The following CDH12 variants were observed in gnomAD, a reference collection of about 807,000 sequenced individuals.
CDH12 encodes cadherin 12.
Under a neutral mutation model 74.1 loss-of-function variants are expected in CDH12, and 41 were observed. That is an observed-to-expected ratio of 0.55 (90% CI 0.43 to 0.72). CDH12 has a LOEUF of 0.72. Among genes scored for constraint, CDH12 ranks in the 30% least tolerant of loss-of-function variants. The pLI, the probability that CDH12 is intolerant of heterozygous loss-of-function variation, is 0.00. For missense variants in CDH12, 945 were observed against 977.2 expected, an observed-to-expected ratio of 0.97 and a Z score of 0.44; for synonymous variants, 399 against 355.0, an observed-to-expected ratio of 1.12 and a Z score of -1.39.
At chr5:21,825,351 A>C (rs2149958097) in intron 8 of CDH12, among the ~76,000 whole-genome samples, 1 of 152,236 alleles carries the variant, frequency 6.6e-6, no homozygotes, top group East Asian at 1.9e-4. Flanking sequence ...GCATTCTTTC[A>C]ATTGAAGTGT....
At chr5:21,880,475 C>CTTCA (rs1752189543) in intron 6 of CDH12, among the ~76,000 whole-genome samples, 1 of 18,482 alleles carries the variant, frequency 5.4e-5, no homozygotes, top group African/African-American at 7.3e-5. Flanking sequence ...TCTTTCCTTC[C>CTTCA]TTCCTTCCTT....
chr5:22,222,185 A>G (rs938950812), intron 3 of CDH12, among the ~76,000 whole-genome samples: 1 of 151,940 alleles, frequency 6.6e-6, no homozygotes, highest in South Asian at 2.1e-4. Flanking sequence ...TCATTTTACT[A>G]TTCTGTTTAA....
At chr5:22,364,902 GT>G (rs1339882861) in intron 3 of CDH12, among the ~76,000 whole-genome samples, 2 of 152,116 alleles carry the variant, frequency 1.3e-5, no homozygotes, top group African/African-American at 2.4e-5. Flanking sequence ...TTTCAAAATT[GT>G]GTTGACACTG....
intron 4 of CDH12, among the ~76,000 whole-genome samples, chr5:22,185,204 T>TC (rs1226081073): frequency 4.0e-4 from 61 of 151,642 alleles, no homozygotes; most frequent in Non-Finnish European, 7.7e-4. Flanking sequence ...TCTCTCTTTT[T>TC]TTTTTTTTTT....
Position 22,437,360 on chromosome 5 carries a change from T to C in CDH12, c.-427-32009A>G, listed in dbSNP as rs1744439631. ...GAATCTATAAAGAAAACAGACTTTT[T>C]CAGTCTATTATTTTTAAGTTATATT... is the stretch of plus-strand genomic sequence containing the variant. On this transcript the variant is annotated intron_variant, in intron 2 of 14. Transcript: ENST00000382254. Among the ~76,000 whole-genome samples the C allele has an allele frequency of 2.0e-5, 3 of 151,840 alleles. No homozygotes were observed. The South Asian group carries it at 6.2e-4, about 31-fold the overall frequency.
intron 5 of CDH12, among the ~76,000 whole-genome samples, chr5:22,076,252 T>C (rs1742308541): frequency 6.6e-6 from 1 of 152,116 alleles, no homozygotes; most frequent in Non-Finnish European, 1.5e-5. Context: ...CTCTTTTAAA[T>C]AAACTGGATG....
At chr5:22,750,807 A>T (rs556918028) in intron 1 of CDH12, among the ~76,000 whole-genome samples, 56 of 152,204 alleles carry the variant, frequency 3.7e-4, no homozygotes, top group Non-Finnish European at 7.2e-4. Flanking sequence ...AGATGAAGCC[A>T]TTTGACACCC....
At chr5:22,011,930 A>C (rs1737320360) in intron 5 of CDH12, among the ~76,000 whole-genome samples, 1 of 152,102 alleles carries the variant, frequency 6.6e-6, no homozygotes, top group Non-Finnish European at 1.5e-5. Flanking sequence ...CTGTTTCTTC[A>C]ATATTTTTTA....
rs527445136 is a variant in CDH12 at position 22,801,381 on chromosome 5, C to T, written c.-523+51677G>A. On this transcript the variant is annotated intron_variant, in intron 1 of 14. Transcript: ENST00000382254. ...GCTAAGCAAAATGCCAGTTTTGGGACGCCTTGAAAGAGATTTTGTATGAGC... is the reference window on the plus strand; with the variant it reads ...GCTAAGCAAAATGCCAGTTTTGGGATGCCTTGAAAGAGATTTTGTATGAGC... 3.3e-5 allele frequency among the ~76,000 whole-genome samples: 5 copies of T among 151,988 alleles called. No individual in the cohort carries two copies. The South Asian group carries it at 6.2e-4, about 19-fold the overall frequency.
In CDH12 at chr5:22,559,357, C is replaced by T. The variant is rs141380060; in HGVS notation, c.-522-53993G>A. ...ATTATATATGCATACTTTACCTCAG[C>T]GAAAAAATTTTTAAAGTTAAAATCA... On this transcript the variant is annotated intron_variant, in intron 1 of 14. Coordinates refer to ENST00000382254, the MANE Select transcript of CDH12 (RefSeq NM_004061.5). 6.6e-3 allele frequency among the ~76,000 whole-genome samples: 999 copies of T among 151,744 alleles called. 14 individuals are homozygous for T. Among genetic ancestry groups the T allele is most frequent in the African/African-American group, 0.023 (948 of 41,384 alleles).
chr5:22,814,476 C>T (rs1011844602), intron 1 of CDH12, among the ~76,000 whole-genome samples: 1 of 152,112 alleles, frequency 6.6e-6, no homozygotes, highest in Non-Finnish European at 1.5e-5. Context: ...GATATCTCTG[C>T]TTTGACATTA....
chr5:22,444,320 T>G (rs2126547669), intron 2 of CDH12, among the ~76,000 whole-genome samples: 1 of 152,200 alleles, frequency 6.6e-6, no homozygotes, highest in South Asian at 2.1e-4. Context: ...AGTTAAAACA[T>G]TAATTCTCAT....
rs959351967 is a variant in CDH12, at chr5:22,292,586, T to A, written c.-332-79943A>T. Among the ~76,000 whole-genome samples the A allele has an allele frequency of 1.1e-4, 17 of 151,418 alleles. No individual in the cohort carries two copies. The Admixed American group carries it at 1.1e-3, about 10-fold the overall frequency. On this transcript the variant is annotated intron_variant, in intron 3 of 14. Transcript: ENST00000382254. Reference sequence around the variant, plus strand: ...AAACAAACAAAACAAATTGCCCCAATTCAAAATTGGACAAAGGACCTGAAA... The same window carrying A: ...AAACAAACAAAACAAATTGCCCCAAATCAAAATTGGACAAAGGACCTGAAA...
intron 1 of CDH12, among the ~76,000 whole-genome samples, chr5:22,528,817 C>A (rs1737403781): frequency 6.6e-6 from 1 of 151,940 alleles, no homozygotes; most frequent in African/African-American, 2.4e-5. Context: ...CCAGAGAACA[C>A]CATGGACCAC....
chr5:22,472,233 TCAAGGC>T (rs1474021778), intron 2 of CDH12, among the ~76,000 whole-genome samples: 2 of 152,034 alleles, frequency 1.3e-5, no homozygotes, highest in Admixed American at 1.3e-4. Flanking sequence ...AGAAGTAAGG[TCAAGGC>T]CTAGTCAAAA....
intron 2 of CDH12, among the ~76,000 whole-genome samples, chr5:22,405,908 A>G (rs11952562): frequency 0.015 from 2,337 of 152,274 alleles, 17 homozygotes; most frequent in Middle Eastern, 0.078. Flanking sequence ...TATACTTTAA[A>G]TCATCTCTAG....
chr5:22,715,575 C>T (rs434129), intron 1 of CDH12, among the ~76,000 whole-genome samples: 41,391 of 151,728 alleles, frequency 0.27, 5,752 homozygotes, highest in South Asian at 0.32. Context: ...GAGGCCAAGG[C>T]GGGTGGATCA....
chr5:22,337,388 T>A (rs1308344781), intron 3 of CDH12, among the ~76,000 whole-genome samples: 1 of 152,166 alleles, frequency 6.6e-6, no homozygotes, highest in African/African-American at 2.4e-5. Flanking sequence ...GGTGGAATGA[T>A]ATGGTTTGGC....
chr5:22,049,431 C>T (rs1298332493), intron 5 of CDH12, among the ~76,000 whole-genome samples: 1 of 152,030 alleles, frequency 6.6e-6, no homozygotes, highest in Non-Finnish European at 1.5e-5. Context: ...TTTTTCCTTG[C>T]CCAAGTTCAG....
Sources: gnomAD v4.1 joint callset for allele counts (sites outside exome capture counted in the v4.1 genomes callset) on GRCh38, gnomAD v4.1.1 for gene constraint, MANE v1.5 for transcripts, NCBI Gene and HGNC (gene_info 2026-07-23, HGNC 2026-07-21) for gene names.